The following KCNC2 variants were observed in gnomAD, a reference collection of about 807,000 sequenced individuals.
KCNC2 encodes potassium voltage-gated channel subfamily C member 2.
In KCNC2, 21 loss-of-function variants were observed where a neutral mutation model predicts 44.5. The ratio of observed to expected loss-of-function variants is 0.47; its 90% confidence interval spans 0.33 to 0.68. The LOEUF (loss-of-function observed/expected upper bound fraction) is 0.68, where lower values mean the gene tolerates loss of function less well. KCNC2 is among the 30% of genes least tolerant of loss of function. The pLI, the probability that KCNC2 is intolerant of heterozygous loss-of-function variation, is 0.01. For synonymous variants in KCNC2, 391 were observed against 339.1 expected (o/e 1.15, Z -1.68); for missense variants, 589 against 826.2 (o/e 0.71, Z 3.52).
At chr12:75,122,176 T>C (rs961602711) in intron 2 of KCNC2, among the ~76,000 whole-genome samples, 1 of 152,154 alleles carries the variant, frequency 6.6e-6, no homozygotes, top group Non-Finnish European at 1.5e-5. Context: ...TGCCCTCTTA[T>C]AGATCCATGG....
At chr12:75,125,369 C>A (rs577510632) in intron 2 of KCNC2, among the ~76,000 whole-genome samples, 4 of 152,254 alleles carry the variant, frequency 2.6e-5, no homozygotes, top group South Asian at 4.1e-4. Context: ...AGACAAACCG[C>A]TTTTGACTTA....
chr12:75,201,395 A>G (rs2031266348), intron 2 of KCNC2, among the ~76,000 whole-genome samples: 1 of 149,928 alleles, frequency 6.7e-6, no homozygotes, highest in Non-Finnish European at 1.5e-5. Flanking sequence ...CAGAATCTTT[A>G]GCAATAATTA....
chr12:75,167,242 CTTT>C (rs1309866986), intron 2 of KCNC2, among the ~76,000 whole-genome samples: 1 of 151,120 alleles, frequency 6.6e-6, no homozygotes, highest in Non-Finnish European at 1.5e-5. Flanking sequence ...CTTTTACTTT[CTTT>C]TTTTATTATC....
chr12:75,145,957 T>TGC (rs71770105), intron 2 of KCNC2, among the ~76,000 whole-genome samples: 1 of 139,414 alleles, frequency 7.2e-6, no homozygotes, highest in African/African-American at 3.2e-5. Context: ...CTTACCAATT[T>TGC]TTTTTTTTTT....
intron 2 of KCNC2, among the ~76,000 whole-genome samples, chr12:75,153,754 G>A (rs1890569603): frequency 6.6e-6 from 1 of 151,668 alleles, no homozygotes; most frequent in Admixed American, 6.6e-5. Flanking sequence ...AATAAAGCAA[G>A]CCAGAGAAAA....
Position 75,042,223 on chromosome 12 carries a change from A to G in KCNC2, c.*882T>C. On this transcript the variant is annotated 3_prime_UTR_variant, in exon 5 of 5. Transcript: ENST00000549446. ...CCCTGGGTATTTTTTTTTTTTAAAGAGTCTAGAACCAAGCAGCAATTTCTG... is the reference window on the plus strand; with the variant it reads ...CCCTGGGTATTTTTTTTTTTTAAAGGGTCTAGAACCAAGCAGCAATTTCTG... 1 of 1,412,548 alleles carries G rather than the reference A, an allele frequency of 7.1e-7. No homozygotes were observed. The highest frequency in any genetic ancestry group is 9.3e-7 in the Non-Finnish European group (1 of 1,075,172). 87.5% of individuals were successfully genotyped at this position (1,412,548 alleles called of 1,614,324 possible).
intron 2 of KCNC2, among the ~76,000 whole-genome samples, chr12:75,087,996 G>A (rs200038639): frequency 6.7e-6 from 1 of 149,456 alleles, no homozygotes. Context: ...ATCAGTTATG[G>A]AAAAAAAAAA....
intron 2 of KCNC2, among the ~76,000 whole-genome samples, chr12:75,142,241 C>G (rs1277003983): frequency 1.3e-5 from 2 of 152,118 alleles, no homozygotes; most frequent in Non-Finnish European, 2.9e-5. Context: ...CACAGTCTGA[C>G]TTCACGATTA....
At chr12:75,155,491 A>G (rs1890693593) in intron 2 of KCNC2, among the ~76,000 whole-genome samples, 1 of 151,842 alleles carries the variant, frequency 6.6e-6, no homozygotes, top group Non-Finnish European at 1.5e-5. Flanking sequence ...GCATGATTGT[A>G]CTGAGTTTCA....
chr12:75,043,799 G>T (rs1443565080), intron 4 of KCNC2: 3 of 1,496,418 alleles, frequency 2.0e-6, no homozygotes, highest in Non-Finnish European at 1.8e-6. Flanking sequence ...AGGATGGAAT[G>T]CCCATTTCTA....
intron 2 of KCNC2, among the ~76,000 whole-genome samples, chr12:75,067,138 G>A (rs893088607): frequency 4.6e-5 from 7 of 152,088 alleles, no homozygotes; most frequent in Admixed American, 1.3e-4. Flanking sequence ...GGAGTTTGAG[G>A]CTACAGTGAG....
At chr12:75,166,844 T>C (rs534597382) in intron 2 of KCNC2, among the ~76,000 whole-genome samples, 6 of 151,156 alleles carry the variant, frequency 4.0e-5, no homozygotes, top group African/African-American at 1.2e-4. Flanking sequence ...TAAACACATA[T>C]ATTGAAAAAG....
intron 2 of KCNC2, among the ~76,000 whole-genome samples, chr12:75,138,250 T>C (rs1485796154): frequency 6.6e-6 from 1 of 152,242 alleles, no homozygotes; most frequent in African/African-American, 2.4e-5. Flanking sequence ...AACCATTTGC[T>C]CATCTTGTAC....
intron 2 of KCNC2, among the ~76,000 whole-genome samples, chr12:75,171,001 C>T (rs531233524): frequency 9.2e-5 from 14 of 151,792 alleles, no homozygotes; most frequent in Admixed American, 5.9e-4. Flanking sequence ...ACTTTCAGTT[C>T]CTAGAGGCCA....
chr12:75,206,009 G>A lies in KCNC2; in HGVS notation c.687+1288C>T, dbSNP rs184436016. On this transcript the variant is annotated intron_variant, in intron 2 of 4. Transcript: ENST00000549446. ...TTTAAATACCAAGTCTAAAGGAGTA[G>A]CAATGCTTTAAATTGTCTCTTTCAT... is the stretch of plus-strand genomic sequence containing the variant. 3.1e-3 allele frequency among the ~76,000 whole-genome samples: 465 copies of A among 151,968 alleles called. 1 individual carries two copies. Among genetic ancestry groups the A allele is most frequent in the Middle Eastern group, 6.9e-3 (2 of 288 alleles).
At chr12:75,065,433 C>T (rs1882736583) in intron 2 of KCNC2, among the ~76,000 whole-genome samples, 1 of 151,986 alleles carries the variant, frequency 6.6e-6, no homozygotes, top group African/African-American at 2.4e-5. Context: ...GTTAAATGTT[C>T]ATAACTTTTA....
At chr12:75,186,754 T>A (rs182020117) in intron 2 of KCNC2, among the ~76,000 whole-genome samples, 50 of 152,354 alleles carry the variant, frequency 3.3e-4, no homozygotes, top group Admixed American at 4.6e-4. Flanking sequence ...ATTTTCATGA[T>A]ACTTTATTTT....
intron 2 of KCNC2, among the ~76,000 whole-genome samples, chr12:75,092,676 A>G (rs895448771): frequency 2.0e-5 from 3 of 151,652 alleles, no homozygotes; most frequent in Admixed American, 6.6e-5. Flanking sequence ...TCTAAACAAC[A>G]CAAAAACATT....
At chr12:75,102,745 G>A (rs1186247972) in intron 2 of KCNC2, among the ~76,000 whole-genome samples, 4 of 151,906 alleles carry the variant, frequency 2.6e-5, no homozygotes, top group East Asian at 1.9e-4. Context: ...AAAAAAGTAC[G>A]TTCCTACAAA....
Sources: allele counts gnomAD v4.1 joint callset (sites outside exome capture counted in the v4.1 genomes callset), GRCh38; gene constraint gnomAD v4.1.1; transcripts MANE v1.5; gene names NCBI Gene and HGNC (gene_info 2026-07-23, HGNC 2026-07-21).